Variants in MINK1 observed in about 807,000 individuals in gnomAD.
The protein encoded by MINK1 is misshapen like kinase 1.
MINK1 carries 46 observed loss-of-function variants against 178.4 expected under a neutral mutation model. The ratio of observed to expected loss-of-function variants is 0.26; its 90% CI spans 0.20 to 0.33. MINK1 has a LOEUF of 0.33. MINK1 is among the 10% of genes least tolerant of loss of function. The pLI is 1.00. For missense variants in MINK1, 1,366 were observed against 1,814.9 expected (o/e 0.75, Z 4.49); for synonymous variants, 797 against 709.7 (o/e 1.12, Z -1.96).
At chr17:4,873,650 A>G (rs1320142521) in intron 1 of MINK1, among the ~76,000 whole-genome samples, 4 of 115,306 alleles carry the variant, frequency 3.5e-5, no homozygotes, top group Non-Finnish European at 5.0e-5. Context: ...AAGGCGTCTC[A>G]CTCTTTCACC....
At position 4,893,481 on chromosome 17, in the gene MINK1, T is replaced by C; in HGVS notation, c.2448T>C (p.Pro816=). 1 of 1,595,074 alleles carries C rather than the reference T, an allele frequency of 6.3e-7. No homozygotes were observed. Among genetic ancestry groups the C allele is most frequent in the Non-Finnish European group, 8.6e-7 (1 of 1,165,438 alleles). Reference sequence around the variant, plus strand: ...GGACTCTGGACGAGGCCCCTCGGCCTCCCAAGAAGGCCATGGACTACTCGT... The same window carrying C: ...GGACTCTGGACGAGGCCCCTCGGCCCCCCAAGAAGGCCATGGACTACTCGT... The part of the protein sequence containing the change: ...KERTLDEAPR[P]PKKAMDYSSS... The change falls in exon 21 of 32, where the codon CCT becomes CCC. Residue 816 remains proline (P), a synonymous_variant. Transcript: ENST00000355280.
At chr17:4,835,488 G>A (rs976109581) in intron 1 of MINK1, among the ~76,000 whole-genome samples, 2 of 152,152 alleles carry the variant, frequency 1.3e-5, no homozygotes, top group Admixed American at 6.5e-5. Context: ...TTAGCCACAC[G>A]TGGTGGCACA....
Position 4,896,889 on chromosome 17 carries a change from G to GGA in MINK1, c.3915+76_3915+77insGA. The GGA allele has an allele frequency of 6.7e-7, 1 of 1,488,642 alleles. No homozygotes were observed. The highest frequency in any genetic ancestry group is 8.9e-7 in the Non-Finnish European group (1 of 1,120,756). 92.2% of individuals were successfully genotyped at this position (1,488,642 alleles called of 1,614,324 possible). A position where few individuals can be genotyped will look rare whatever the true frequency, so the allele number is the denominator to read the frequency against. On this transcript the variant is annotated intron_variant, in intron 31 of 31. Transcript: ENST00000355280. The surrounding 1 kb of genome is among the most constrained non-coding windows in gnomAD (Gnocchi z 4.6). The stretch of plus-strand genomic sequence containing the variant: ...CTAGGCCCCTGGGCAGAGTTCTGGG[G>GGA]AGAGGATGGTGGTGGTGGCTTCCTG...
At chr17:4,868,652 AT>A (rs1915402874) in intron 1 of MINK1, among the ~76,000 whole-genome samples, 1 of 152,234 alleles carries the variant, frequency 6.6e-6, no homozygotes, top group African/African-American at 2.4e-5. Flanking sequence ...TTATGTATGC[AT>A]TTATTTAGGT....
intron 2 of MINK1, among the ~76,000 whole-genome samples, chr17:4,880,100 A>G (rs999627537): frequency 3.9e-5 from 6 of 152,268 alleles, no homozygotes; most frequent in Admixed American, 3.9e-4. Context: ...GGAACAGAAC[A>G]TAAATGTTTC....
chr17:4,837,995 G>A (rs1022135817), intron 1 of MINK1, among the ~76,000 whole-genome samples: 2 of 152,200 alleles, frequency 1.3e-5, no homozygotes, highest in African/African-American at 4.8e-5. Flanking sequence ...TTCTGGGCAT[G>A]TATTTCTAGG....
intron 4 of MINK1, among the ~76,000 whole-genome samples, chr17:4,882,035 C>G (rs1453059073): frequency 6.6e-6 from 1 of 152,248 alleles, no homozygotes; most frequent in Non-Finnish European, 1.5e-5. Context: ...GTCCTGGCCT[C>G]CAAGGCCCTT....
chr17:4,877,783 G>A (rs993731083), intron 1 of MINK1, among the ~76,000 whole-genome samples: 2 of 149,836 alleles, frequency 1.3e-5, no homozygotes, highest in East Asian at 2.0e-4. Context: ...AGCCATCTGC[G>A]CTCTGACTTC....
intron 1 of MINK1, chr17:4,859,262 C>T (rs562735630): frequency 2.1e-4 from 205 of 985,264 alleles, no homozygotes; most frequent in Middle Eastern, 5.2e-4. Flanking sequence ...CTAGAATCTC[C>T]TGGAATGCTT....
intron 17 of MINK1, 26 bp from the exon 18 acceptor site, chr17:4,892,376 T>TC (rs1968930848): frequency 7.2e-6 from 5 of 693,226 alleles, no homozygotes; most frequent in Non-Finnish European, 9.8e-6. Context: ...CGCCGCCCCC[T>TC]CGGCACCCCT....
chr17:4,844,744 A>G, intron 1 of MINK1: 1 of 314,680 alleles, frequency 3.2e-6, no homozygotes, highest in Non-Finnish European at 6.2e-6. Flanking sequence ...TTTGGTCTGC[A>G]GGAAAGATAG....
At chr17:4,872,793 C>T (rs1916009926) in intron 1 of MINK1, among the ~76,000 whole-genome samples, 1 of 152,074 alleles carries the variant, frequency 6.6e-6, no homozygotes, top group Admixed American at 6.6e-5. Context: ...ATCAACTCCT[C>T]AAACATCCAC....
chr17:4,842,222 C>CA (rs144657930), intron 1 of MINK1, among the ~76,000 whole-genome samples: 87,829 of 126,976 alleles, frequency 0.69, 29,644 homozygotes, highest in Middle Eastern at 0.75. Flanking sequence ...AGACTCTGTC[C>CA]AAAAAAAAAA....
At chr17:4,880,381 G>A (rs1188163174) in intron 2 of MINK1, among the ~76,000 whole-genome samples, 1 of 150,070 alleles carries the variant, frequency 6.7e-6, no homozygotes, top group African/African-American at 2.4e-5. Flanking sequence ...TGCCTCCCAG[G>A]TTCAGGCAAT....
chr17:4,849,541 C>T (rs192016135), intron 1 of MINK1, among the ~76,000 whole-genome samples: 254 of 148,072 alleles, frequency 1.7e-3, no homozygotes, highest in African/African-American at 1.7e-3. Flanking sequence ...CCTCCCTTGG[C>T]TAACTCTTGC....
chr17:4,870,213 A>ATT (rs758815938), intron 1 of MINK1, among the ~76,000 whole-genome samples: 20 of 123,596 alleles, frequency 1.6e-4, no homozygotes, highest in African/African-American at 3.7e-4. Context: ...CGCCCGGCCA[A>ATT]TTTTTTTTTT....
At chr17:4,837,961 C>T (rs866529694) in intron 1 of MINK1, among the ~76,000 whole-genome samples, 4 of 152,048 alleles carry the variant, frequency 2.6e-5, no homozygotes, top group Admixed American at 2.0e-4. Flanking sequence ...GCTGTGGAGC[C>T]AGCACCACTC....
chr17:4,850,684 T>C (rs1212759942), intron 1 of MINK1, among the ~76,000 whole-genome samples: 1 of 152,144 alleles, frequency 6.6e-6, no homozygotes, highest in African/African-American at 2.4e-5. Flanking sequence ...ATCATATGGG[T>C]ACAGGTCACA....
intron 1 of MINK1, among the ~76,000 whole-genome samples, chr17:4,842,493 T>G (rs994113226): frequency 3.3e-5 from 5 of 152,210 alleles, no homozygotes; most frequent in African/African-American, 9.7e-5. Flanking sequence ...TAAATTACCC[T>G]TGTGCATGGC....
Sources: gnomAD v4.1 joint callset for allele counts (sites outside exome capture counted in the v4.1 genomes callset) on GRCh38, gnomAD v4.1.1 for gene constraint, Gnocchi (gnomAD v3.1) non-coding constraint, MANE v1.5 for transcripts, NCBI Gene and HGNC (gene_info 2026-07-23, HGNC 2026-07-21) for gene names.